ECHDC2: variants seen among roughly 807,000 people sequenced by gnomAD.
ECHDC2 encodes enoyl-CoA hydratase domain-containing protein 2, mitochondrial.
Under a neutral mutation model 40.6 loss-of-function variants are expected in ECHDC2, and 34 were observed. That is an observed-to-expected ratio of 0.84 (90% CI 0.64 to 1.11). ECHDC2 has a LOEUF of 1.11. Ranked by LOEUF, ECHDC2 falls within the 50% of genes most tolerant of loss-of-function variation. The pLI is 0.00. For missense variants in ECHDC2, 392 were observed against 400.7 expected (o/e 0.98, Z 0.19); for synonymous variants, 162 against 166.6 (o/e 0.97, Z 0.21).
intron 5 of ECHDC2, chr1:52,906,293 T>C (rs1647790223): frequency 3.2e-6 from 2 of 629,052 alleles, no homozygotes; most frequent in Non-Finnish European, 3.0e-6. Flanking sequence ...ATTCCCAAAA[T>C]GAAGGAAGCA....
intron 1 of ECHDC2, among the ~76,000 whole-genome samples, chr1:52,919,721 A>G (rs1171232590): frequency 1.3e-5 from 2 of 152,212 alleles, no homozygotes; most frequent in Non-Finnish European, 2.9e-5. Context: ...AGCTTCTAAT[A>G]TGAACATCAA....
At chr1:52,907,714 G>C in intron 4 of ECHDC2, 154 bp downstream of exon 4, 1 of 639,540 alleles carries the variant, frequency 1.6e-6, no homozygotes, top group South Asian at 2.1e-5. Context: ...AACTGCCCTC[G>C]GTCATCCTCC....
intron 5 of ECHDC2, 51 bp downstream of exon 5, chr1:52,906,468 T>C: frequency 2.8e-6 from 4 of 1,442,286 alleles, no homozygotes; most frequent in Non-Finnish European, 3.8e-6. Context: ...CCTGTTTCAC[T>C]CACCCCTGAC....
intron 1 of ECHDC2, among the ~76,000 whole-genome samples, chr1:52,918,860 C>T (rs957335785): frequency 5.9e-5 from 9 of 152,068 alleles, no homozygotes; most frequent in Non-Finnish European, 1.3e-4. Flanking sequence ...CCCCAACCCC[C>T]GGGCTGTGGA....
intron 8 of ECHDC2, 134 bp from the exon 9 acceptor site, chr1:52,897,618 G>A: frequency 1.2e-6 from 1 of 839,726 alleles, no homozygotes; most frequent in Non-Finnish European, 2.0e-6. Context: ...CCCTCCTAGA[G>A]AAGAAACACC....
At chr1:52,919,039 C>T (rs753927500) in intron 1 of ECHDC2, among the ~76,000 whole-genome samples, 1 of 152,210 alleles carries the variant, frequency 6.6e-6, no homozygotes, top group Non-Finnish European at 1.5e-5. Context: ...CTATTGTGAA[C>T]TGTGCATGTG....
intron 1 of ECHDC2, chr1:52,920,584 C>G: frequency 8.0e-7 from 1 of 1,256,548 alleles, no homozygotes; most frequent in Non-Finnish European, 1.2e-6. Context: ...ATTAAGAAAT[C>G]TGGCAAAAAG....
rs1420874171 is a variant in ECHDC2 at position 52,914,825 on chromosome 1, A to G, written c.122-3035T>C. On this transcript the variant is annotated intron_variant, in intron 1 of 9. Transcript: ENST00000371522. The surrounding 1 kb of genome is among the most constrained non-coding windows in gnomAD (Gnocchi z 4.0). ...TCAGCTCACACCGCTTCTCACAGCC[A>G]TTAATCTGGCATAGGCTCTTTCCTG... Among the ~76,000 whole-genome samples, 1 of 152,122 alleles carries G rather than the reference A, an allele frequency of 6.6e-6. No individual in the cohort carries two copies. The highest frequency in any genetic ancestry group is 2.4e-5 in the African/African-American group (1 of 41,418).
intron 1 of ECHDC2, among the ~76,000 whole-genome samples, chr1:52,918,358 T>TAAAA (rs536606545): frequency 4.8e-5 from 6 of 124,554 alleles, no homozygotes; most frequent in African/African-American, 1.7e-4. Context: ...TCCTACTTAT[T>TAAAA]AAAAAAAAAA....
intron 1 of ECHDC2, chr1:52,920,541 G>T: frequency 6.7e-7 from 1 of 1,500,962 alleles, no homozygotes; most frequent in Non-Finnish European, 9.2e-7. Context: ...AAAATGGAAG[G>T]CCACGGGGAA....
chr1:52,896,426 A>C lies in ECHDC2; in HGVS notation c.*94T>G. On this transcript the variant is annotated 3_prime_UTR_variant, in exon 10 of 10. Coordinates refer to ENST00000371522, the MANE Select transcript of ECHDC2 (RefSeq NM_001198961.2). ...CTTGTGAAGAAATGGAAGTCTGGAG[A>C]GGTGAAATGATGAAGGCAATCTGGC... The C allele has an allele frequency of 2.1e-6, 2 of 941,482 alleles. No individual in the cohort carries two copies. The highest frequency in any genetic ancestry group is 1.8e-6 in the Non-Finnish European group (1 of 568,668). The allele number at this position is 941,482 out of a possible 1,614,324, so 58.3% of individuals were successfully genotyped here. A position where few individuals can be genotyped will look rare whatever the true frequency, so the allele number is the denominator to read the frequency against.
chr1:52,903,453 G>GT (rs1037703135), intron 7 of ECHDC2, among the ~76,000 whole-genome samples: 3 of 149,006 alleles, frequency 2.0e-5, no homozygotes, highest in African/African-American at 7.3e-5. Context: ...TTTTGTTTTT[G>GT]TTTGTTTGTT....
In ECHDC2 at chr1:52,899,239, A is replaced by G; in HGVS notation, c.703-15T>C. 6.3e-7 allele frequency: 1 copy of G among 1,588,350 alleles called. No homozygotes were observed. Among genetic ancestry groups the G allele is most frequent in the Non-Finnish European group, 8.5e-7 (1 of 1,175,942 alleles). On this transcript the variant is annotated splice_polypyrimidine_tract_variant and intron_variant, in intron 7 of 9. Coordinates refer to ENST00000371522, the MANE Select transcript of ECHDC2 (RefSeq NM_001198961.2). ...GCAATGGGGGCCTAGGGAAAAGCAA[A>G]AAGTCTTGGTTGAGGAGGGCATCAA...
rs191341466 is a variant in ECHDC2, at chr1:52,906,101, C to A, written c.457+418G>T. 3.4e-3 allele frequency: 1,174 copies of A among 349,882 alleles called. 9 individuals carry two copies. Among genetic ancestry groups the A allele is most frequent in the African/African-American group, 0.021 (964 of 46,718 alleles). 21.7% of individuals were successfully genotyped at this position (349,882 alleles called of 1,614,324 possible). A position where few individuals can be genotyped will look rare whatever the true frequency, so the allele number is the denominator to read the frequency against. ...CTCAGAACAAGTAATGCAAATTTGG[C>A]TGGTGCCAGTATTCCTGCCCAGGCA... On this transcript the variant is annotated intron_variant, in intron 5 of 9. Coordinates refer to ENST00000371522, the MANE Select transcript of ECHDC2 (RefSeq NM_001198961.2).
At chr1:52,904,875 G>A (rs772693772) in intron 6 of ECHDC2, 42 bp from the exon 7 acceptor site, 1 of 1,599,352 alleles carries the variant, frequency 6.3e-7, no homozygotes, top group African/African-American at 1.3e-5. Flanking sequence ...AGCATGGGAA[G>A]TGGGAACCCA....
At chr1:52,907,708 G>A in intron 4 of ECHDC2, 160 bp downstream of exon 4, 1 of 624,270 alleles carries the variant, frequency 1.6e-6, no homozygotes, top group Non-Finnish European at 2.8e-6. Context: ...TGAGAGAACT[G>A]CCCTCGGTCA....
At chr1:52,897,233 A>G in intron 9 of ECHDC2, 1 of 613,688 alleles carries the variant, frequency 1.6e-6, no homozygotes, top group Non-Finnish European at 2.9e-6. Flanking sequence ...GAACCCCAGT[A>G]CATTAGATGG....
rs761435615 is a variant in ECHDC2 at position 52,907,918 on chromosome 1, G to A, written c.314C>T (p.Ala105Val). 14 of 1,613,930 alleles carry A rather than the reference G, an allele frequency of 8.7e-6. No individual in the cohort carries two copies. The highest frequency in any genetic ancestry group is 1.1e-5 in the Non-Finnish European group (13 of 1,180,004). ...TCGCTGGACAAACACCCCCACCTCT[G>A]CTTCACTCATCTGTTCCCGCTCCTT... ...DLKEREQMSE[A>V]EVGVFVQRLR... is the part of the protein sequence containing the mutation. The change falls in exon 4 of 10, where the codon GCA becomes GTA. Residue 105 changes from alanine (A) to valine (V), a missense_variant. Transcript: ENST00000371522.
In ECHDC2 at chr1:52,907,883, G is replaced by C; in HGVS notation, c.349C>G (p.Leu117Val). The change falls in exon 4 of 10, where the codon CTG becomes GTG. Residue 117 changes from leucine (L) to valine (V), a missense_variant. By Grantham distance (32) the Leu-to-Val change is conservative. Transcript: ENST00000371522. ...AGATCCTCACCGATGTCATTCATCA[G>C]GCCCCGGAGTCGCTGGACAAACACC... ...VGVFVQRLRG[L>V]MNDIAAFPAP... is the part of the protein sequence containing the mutation. 2 of 1,613,294 alleles carry C rather than the reference G, an allele frequency of 1.2e-6. No homozygotes were observed. The highest frequency in any genetic ancestry group is 1.7e-6 in the Non-Finnish European group (2 of 1,179,694).
Sources: allele counts gnomAD v4.1 joint callset (sites outside exome capture counted in the v4.1 genomes callset), GRCh38; gene constraint gnomAD v4.1.1; non-coding constraint Gnocchi (gnomAD v3.1); transcripts MANE v1.5; gene names NCBI Gene and HGNC (gene_info 2026-07-23, HGNC 2026-07-21).